The following SORCS1 variants were observed in gnomAD, a reference collection of about 807,000 sequenced individuals.
SORCS1 encodes VPS10 domain-containing receptor SorCS1.
In SORCS1, 60 loss-of-function variants were observed where a neutral mutation model predicts 146.1. That is an observed-to-expected ratio of 0.41 (90% CI 0.33 to 0.51). SORCS1 has a LOEUF of 0.51. SORCS1 is among the 20% of genes least tolerant of loss of function. The pLI is 0.21. For missense variants in SORCS1, 1,352 were observed against 1,487.6 expected, an observed-to-expected ratio of 0.91 and a Z score of 1.50; for synonymous variants, 637 against 584.0, an observed-to-expected ratio of 1.09 and a Z score of -1.31.
intron 1 of SORCS1, among the ~76,000 whole-genome samples, chr10:107,064,859 G>A (rs749683969): frequency 1.3e-5 from 2 of 152,244 alleles, no homozygotes; most frequent in East Asian, 1.9e-4. Flanking sequence ...AGACAACCAC[G>A]AAGGGTAGTC....
intron 1 of SORCS1, among the ~76,000 whole-genome samples, chr10:107,062,407 G>A (rs1297371463): frequency 6.6e-6 from 1 of 151,720 alleles, no homozygotes. Flanking sequence ...GGCACATTTA[G>A]GTTATAATTA....
Position 107,164,407 on chromosome 10 carries a change from C to G in SORCS1, c.120G>C (p.Ser40=). 2 of 1,421,916 alleles carry G rather than the reference C, an allele frequency of 1.4e-6. No homozygotes were observed. Among genetic ancestry groups the G allele is most frequent in the Non-Finnish European group, 1.8e-6 (2 of 1,092,506 alleles). 88.1% of individuals were successfully genotyped at this position (1,421,916 alleles called of 1,614,324 possible). The part of the protein sequence containing the change: ...GVCGGGSCCP[S]PHPSSAPRSA... The stretch of plus-strand genomic sequence containing the variant: ...AGCGTGGAGCGGAGCTGGGGTGCGG[C>G]GAGGGGCAGCAGGAGCCGCCGCCGC... Residue 40 remains serine (S), a synonymous_variant, in exon 1 of 26, where the codon TCG becomes TCC. Coordinates refer to ENST00000263054, the MANE Select transcript of SORCS1 (RefSeq NM_052918.5). This position sits in a 1 kb window ranked among gnomAD's most constrained non-coding sequence, Gnocchi z 6.8.
At chr10:106,970,716 G>A (rs111794062) in intron 1 of SORCS1, among the ~76,000 whole-genome samples, 12,683 of 151,310 alleles carry the variant, frequency 0.084, 846 homozygotes, top group African/African-American at 0.18. Flanking sequence ...CCAAAAGACC[G>A]CAATGCTTCT....
Position 106,590,932 on chromosome 10 carries a change from G to A in SORCS1, c.3265+6419C>T, listed in dbSNP as rs564275410. 2.0e-5 allele frequency among the ~76,000 whole-genome samples: 3 copies of A among 152,314 alleles called. No homozygotes were observed. In the East Asian group the frequency reaches 5.8e-4, roughly 29 times the overall value. Reference sequence around the variant, plus strand: ...ATGCTCCCAAAGTGCTGGTATTACAGGCATGAGCCAGTGCACCCAGCCCAT... The same window carrying A: ...ATGCTCCCAAAGTGCTGGTATTACAAGCATGAGCCAGTGCACCCAGCCCAT... On this transcript the variant is annotated intron_variant, in intron 24 of 25. Transcript: ENST00000263054.
At chr10:106,860,651 A>G (rs1949971467) in intron 2 of SORCS1, among the ~76,000 whole-genome samples, 1 of 152,206 alleles carries the variant, frequency 6.6e-6, no homozygotes. Flanking sequence ...TAGGCTCCAA[A>G]GTCAGCATGC....
At chr10:106,972,113 C>G (rs1955812947) in intron 1 of SORCS1, among the ~76,000 whole-genome samples, 1 of 152,002 alleles carries the variant, frequency 6.6e-6, no homozygotes, top group African/African-American at 2.4e-5. Flanking sequence ...TGCCTGTAAT[C>G]AATCACGCCT....
At chr10:106,747,017 C>T (rs533326630) in intron 5 of SORCS1, among the ~76,000 whole-genome samples, 2 of 152,278 alleles carry the variant, frequency 1.3e-5, no homozygotes, top group South Asian at 4.1e-4. Flanking sequence ...CATAAAATTG[C>T]TCTGTTCAGC....
chr10:107,045,317 G>A (rs1446477270), intron 1 of SORCS1, among the ~76,000 whole-genome samples: 1 of 152,176 alleles, frequency 6.6e-6, no homozygotes, highest in East Asian at 1.9e-4. Context: ...TGGTTTTCAG[G>A]TAAGTAGTCT....
At chr10:106,800,541 A>ATTTTT (rs1946814448) in intron 3 of SORCS1, among the ~76,000 whole-genome samples, 1 of 52,438 alleles carries the variant, frequency 1.9e-5, no homozygotes, top group African/African-American at 7.4e-5. Flanking sequence ...TTTTTTTTTA[A>ATTTTT]GATGGAGTCT....
At position 106,976,480 on chromosome 10, in the gene SORCS1, C is replaced by G. The variant is rs574659486; in HGVS notation, c.559-19900G>C. Among the ~76,000 whole-genome samples the G allele has an allele frequency of 2.1e-3, 312 of 151,902 alleles. 4 individuals carry two copies. Among genetic ancestry groups the G allele is most frequent in the African/African-American group, 7.0e-3 (292 of 41,456 alleles). ...CCGAGTAGCTGGGACTACAGAAGCC[C>G]GCCACCACACCCGGCTAATTTTTTG... On this transcript the variant is annotated intron_variant, in intron 1 of 25. Coordinates refer to ENST00000263054, the MANE Select transcript of SORCS1 (RefSeq NM_052918.5).
At chr10:106,946,540 T>C (rs1564839982) in intron 2 of SORCS1, among the ~76,000 whole-genome samples, 1 of 152,234 alleles carries the variant, frequency 6.6e-6, no homozygotes, top group African/African-American at 2.4e-5. Flanking sequence ...ATGTAAGACG[T>C]GGCTTTGCTC....
chr10:106,733,147 GA>G (rs1298919477), intron 5 of SORCS1, among the ~76,000 whole-genome samples: 13 of 131,554 alleles, frequency 9.9e-5, no homozygotes, highest in African/African-American at 3.7e-4. Context: ...AAAAGAAAAA[GA>G]AAAAAAAGAG....
chr10:106,959,654 G>T (rs931974842), intron 1 of SORCS1, among the ~76,000 whole-genome samples: 1 of 152,148 alleles, frequency 6.6e-6, no homozygotes, highest in Non-Finnish European at 1.5e-5. Flanking sequence ...AACTCAAAAT[G>T]GGGCAAAATG....
At chr10:106,735,619 G>C (rs1431528066) in intron 5 of SORCS1, among the ~76,000 whole-genome samples, 1 of 152,158 alleles carries the variant, frequency 6.6e-6, no homozygotes, top group Non-Finnish European at 1.5e-5. Flanking sequence ...TGGGGCCCTA[G>C]CTCAAAGAAA....
At chr10:106,889,888 T>TTAAAAAAAAAAAA in intron 2 of SORCS1, among the ~76,000 whole-genome samples, 1 of 71,680 alleles carries the variant, frequency 1.4e-5, no homozygotes, top group Non-Finnish European at 2.8e-5. Context: ...ACGTCTCAAA[T>TTAAAAAAAAAAAA]AAAAAAAAAA....
chr10:106,941,433 G>A (rs1247600193), intron 2 of SORCS1, among the ~76,000 whole-genome samples: 1 of 152,186 alleles, frequency 6.6e-6, no homozygotes, highest in Non-Finnish European at 1.5e-5. Context: ...CTCAGAGCTA[G>A]TAAATGGACA....
intron 2 of SORCS1, among the ~76,000 whole-genome samples, chr10:106,863,713 A>G (rs1950113910): frequency 6.6e-6 from 1 of 151,654 alleles, no homozygotes; most frequent in Non-Finnish European, 1.5e-5. Context: ...TAGAGCTGAC[A>G]GAGGGTGGCG....
intron 1 of SORCS1, among the ~76,000 whole-genome samples, chr10:107,081,991 C>T (rs1963366446): frequency 6.6e-6 from 1 of 152,198 alleles, no homozygotes; most frequent in Non-Finnish European, 1.5e-5. Flanking sequence ...CACTATAAAA[C>T]TGATAAGAGA....
At chr10:107,092,558 A>C (rs1964264321) in intron 1 of SORCS1, among the ~76,000 whole-genome samples, 1 of 152,224 alleles carries the variant, frequency 6.6e-6, no homozygotes, top group African/African-American at 2.4e-5. Flanking sequence ...TATGCCTGCC[A>C]GTCAGATGCT....
Sources: allele counts gnomAD v4.1 joint callset (sites outside exome capture counted in the v4.1 genomes callset), GRCh38; gene constraint gnomAD v4.1.1; non-coding constraint Gnocchi (gnomAD v3.1); transcripts MANE v1.5; gene names NCBI Gene and HGNC (gene_info 2026-07-23, HGNC 2026-07-21).